The following GRM7 variants were observed in gnomAD, a reference collection of about 807,000 sequenced individuals.
GRM7 encodes glutamate metabotropic receptor 7.
In GRM7, 35 loss-of-function variants were observed where a neutral mutation model predicts 84.5. The ratio of observed to expected loss-of-function variants is 0.41; its 90% CI spans 0.32 to 0.55. GRM7 has a LOEUF of 0.55. GRM7 is among the 20% of genes least tolerant of loss of function. GRM7 has a pLI of 0.19. For synonymous variants in GRM7, 487 were observed against 455.1 expected, an observed-to-expected ratio of 1.07 and a Z score of -0.89; for missense variants, 1,003 against 1,194.6, an observed-to-expected ratio of 0.84 and a Z score of 2.36.
chr3:7,316,950 G>T (rs56342675), intron 4 of GRM7, among the ~76,000 whole-genome samples: 7,222 of 152,080 alleles, frequency 0.047, 569 homozygotes, highest in African/African-American at 0.16. Context: ...TCATCACGAG[G>T]ATAAGAAAAG....
At chr3:7,367,705 A>G (rs1189884136) in intron 4 of GRM7, among the ~76,000 whole-genome samples, 3 of 151,842 alleles carry the variant, frequency 2.0e-5, no homozygotes, top group Non-Finnish European at 2.9e-5. Flanking sequence ...GTGGAATGGT[A>G]GTTCTAGGAG....
rs55678792 is a variant in GRM7 at position 7,547,194 on chromosome 3, C to CTTTT, written c.1516-31201_1516-31198dup. Among the ~76,000 whole-genome samples the CTTTT allele has an allele frequency of 1.2e-4, 9 of 76,416 alleles. 1 individual carries two copies. Among genetic ancestry groups the CTTTT allele is most frequent in the South Asian group, 6.1e-4 (1 of 1,630 alleles). The allele number at this position is 76,416 out of a possible 152,430, so 50.1% of individuals were successfully genotyped here. A position where few individuals can be genotyped will look rare whatever the true frequency, so the allele number is the denominator to read the frequency against. Reference sequence around the variant, plus strand: ...CAGCACAGCCCCCAGAGAGTGAATTCTTTTTTTTTTTTTTTTTTTTTTTTT... The same window carrying CTTTT: ...CAGCACAGCCCCCAGAGAGTGAATTCTTTTTTTTTTTTTTTTTTTTTTTTTTTTT... On this transcript the variant is annotated intron_variant, in intron 7 of 9. Coordinates refer to ENST00000357716, the MANE Select transcript of GRM7 (RefSeq NM_000844.4).
chr3:7,503,683 AT>A (rs1442548664), intron 7 of GRM7, among the ~76,000 whole-genome samples: 2 of 152,170 alleles, frequency 1.3e-5, no homozygotes, highest in Non-Finnish European at 2.9e-5. Context: ...GGGATTGGAA[AT>A]GTCGGCATGT....
At chr3:7,167,973 C>CAAA (rs60681836) in intron 2 of GRM7, among the ~76,000 whole-genome samples, 6 of 54,610 alleles carry the variant, frequency 1.1e-4, no homozygotes, top group African/African-American at 2.0e-4. Flanking sequence ...GACTCTGTCT[C>CAAA]AAAAAAAAAA....
intron 1 of GRM7, among the ~76,000 whole-genome samples, chr3:6,965,298 T>C (rs150151891): frequency 6.6e-6 from 1 of 152,212 alleles, no homozygotes; most frequent in East Asian, 1.9e-4. Flanking sequence ...TCCTTTCATT[T>C]TTCCTCTTAT....
chr3:7,242,640 T>C (rs575768200), intron 2 of GRM7, among the ~76,000 whole-genome samples: 80 of 152,300 alleles, frequency 5.3e-4, no homozygotes, highest in Admixed American at 1.0e-3. Context: ...AATTGTGGCA[T>C]GTGTGGAGTT....
chr3:7,260,857 T>C (rs1222530910), intron 2 of GRM7, among the ~76,000 whole-genome samples: 1 of 152,218 alleles, frequency 6.6e-6, no homozygotes, highest in Non-Finnish European at 1.5e-5. Context: ...GGGTGTTTAA[T>C]GCTGTAAATT....
intron 7 of GRM7, among the ~76,000 whole-genome samples, chr3:7,567,864 G>A (rs1371526043): frequency 1.3e-5 from 2 of 150,944 alleles, no homozygotes; most frequent in African/African-American, 4.9e-5. Flanking sequence ...GTTGAGGGAG[G>A]GGGCATTCTT....
intron 7 of GRM7, among the ~76,000 whole-genome samples, chr3:7,571,814 T>C (rs1263822572): frequency 6.6e-6 from 1 of 152,178 alleles, no homozygotes; most frequent in Non-Finnish European, 1.5e-5. Flanking sequence ...TGGCAATTTA[T>C]AAAAGAAAGA....
chr3:7,740,537 T>TA lies in GRM7; in HGVS notation c.*132dup. On this transcript the variant is annotated 3_prime_UTR_variant, in exon 10 of 10. Transcript: ENST00000357716. Reference sequence around the variant, plus strand: ...GCTTCCCCGGCCGGGAGACCAGTGTTAGAGGATCCAAGCGACCTAAACAGC... The same window carrying TA: ...GCTTCCCCGGCCGGGAGACCAGTGTTAAGAGGATCCAAGCGACCTAAACAGC... 1.9e-6 allele frequency: 1 copy of TA among 538,864 alleles called. No individual in the cohort carries two copies. The highest frequency in any genetic ancestry group is 3.3e-6 in the Non-Finnish European group (1 of 303,512). 33.4% of individuals were successfully genotyped at this position (538,864 alleles called of 1,614,324 possible). A position where few individuals can be genotyped will look rare whatever the true frequency, so the allele number is the denominator to read the frequency against.
At chr3:7,645,360 A>T in intron 8 of GRM7, among the ~76,000 whole-genome samples, 1 of 151,850 alleles carries the variant, frequency 6.6e-6, no homozygotes, top group Admixed American at 6.6e-5. Context: ...CATCCTGGCC[A>T]ACATGGTGAA....
chr3:7,229,784 G>A (rs1332872326), intron 2 of GRM7, among the ~76,000 whole-genome samples: 1 of 94,108 alleles, frequency 1.1e-5, no homozygotes, highest in Non-Finnish European at 2.1e-5. Context: ...TGGTTGACAG[G>A]TGTTGAGTGC....
chr3:7,008,058 G>A (rs184689647), intron 1 of GRM7, among the ~76,000 whole-genome samples: 23 of 151,944 alleles, frequency 1.5e-4, no homozygotes, highest in African/African-American at 5.6e-4. Context: ...GTAAAAGATG[G>A]TATAGACTCC....
At chr3:7,225,722 A>G (rs955916762) in intron 2 of GRM7, among the ~76,000 whole-genome samples, 6 of 151,878 alleles carry the variant, frequency 4.0e-5, no homozygotes, top group Non-Finnish European at 7.4e-5. Flanking sequence ...AAGTAGAAGT[A>G]CAATAGTTTT....
At position 7,246,883 on chromosome 3, in the gene GRM7, T is replaced by A. The variant is rs111298715; in HGVS notation, c.737-51801T>A. On this transcript the variant is annotated intron_variant, in intron 2 of 9. Transcript: ENST00000357716. The stretch of plus-strand genomic sequence containing the variant: ...ACAATATTGAAAAGGACAAACATTG[T>A]TGTAGGATTTACAGTACTAGATTTC... Among the ~76,000 whole-genome samples, 1,429 of 152,254 alleles carry A rather than the reference T, an allele frequency of 9.4e-3. 7 individuals carry two copies. Among genetic ancestry groups the A allele is most frequent in the Middle Eastern group, 0.024 (7 of 294 alleles).
intron 2 of GRM7, among the ~76,000 whole-genome samples, chr3:7,170,175 T>TG (rs1446326829): frequency 3.3e-5 from 5 of 152,262 alleles, no homozygotes; most frequent in African/African-American, 1.2e-4. Context: ...GGAGGAGAAC[T>TG]GGGGGAGTAA....
chr3:7,547,876 C>A (rs1370312469), intron 7 of GRM7, among the ~76,000 whole-genome samples: 13 of 152,300 alleles, frequency 8.5e-5, no homozygotes, highest in African/African-American at 3.1e-4. Flanking sequence ...GTGGACTCAA[C>A]AGCAAGTGAA....
rs182136978 is a variant in GRM7 at position 7,717,570 on chromosome 3, C to T, written c.2699-22787C>T. Among the ~76,000 whole-genome samples, 9 of 152,246 alleles carry T rather than the reference C, an allele frequency of 5.9e-5. No individual in the cohort carries two copies. The East Asian group carries it at 1.7e-3, about 29-fold the overall frequency. ...AAATTATAACCAGCTAAACGGAAAC[C>T]TGGATTCAAATACAAAGTGGCCAAA... On this transcript the variant is annotated intron_variant, in intron 9 of 9. Transcript: ENST00000357716.
chr3:6,935,392 A>G (rs992844812), intron 1 of GRM7, among the ~76,000 whole-genome samples: 9 of 150,244 alleles, frequency 6.0e-5, no homozygotes, highest in African/African-American at 1.2e-4. Flanking sequence ...TAACATTTAC[A>G]TCATAGAAAT....
Sources: gnomAD v4.1 joint callset for allele counts (sites outside exome capture counted in the v4.1 genomes callset) on GRCh38, gnomAD v4.1.1 for gene constraint, MANE v1.5 for transcripts, NCBI Gene and HGNC (gene_info 2026-07-23, HGNC 2026-07-21) for gene names.